The following ABCC9 variants were observed in gnomAD, a reference collection of about 807,000 sequenced individuals.
ABCC9 encodes ATP binding cassette subfamily C member 9.
ABCC9 carries 95 observed loss-of-function variants against 188.3 expected under a neutral mutation model. That is an observed-to-expected ratio of 0.50 (90% confidence interval 0.43 to 0.60). ABCC9 has a LOEUF of 0.60. Among genes scored for constraint, ABCC9 ranks in the 20% least tolerant of loss-of-function variants. The probability of loss-of-function intolerance (pLI) is 0.00; values close to 1 mark genes in which losing one functional copy is unlikely to be tolerated. For synonymous variants in ABCC9, 659 were observed against 652.7 expected (o/e 1.01, Z -0.15); for missense variants, 1,102 against 1,876.3 (o/e 0.59, Z 7.62).
chr12:21,931,504 G>C (rs1341392527), intron 4 of ABCC9, among the ~76,000 whole-genome samples: 1 of 151,946 alleles, frequency 6.6e-6, no homozygotes, highest in African/African-American at 2.4e-5. Context: ...ACAGAATCAA[G>C]GCTGTATTTT....
chr12:21,850,786 C>A (rs1488688785), intron 24 of ABCC9, among the ~76,000 whole-genome samples: 1 of 151,944 alleles, frequency 6.6e-6, no homozygotes, highest in Non-Finnish European at 1.5e-5. Flanking sequence ...TGGAGTTATC[C>A]CCGGTACGTT....
chr12:21,845,463 C>T (rs1944608535), intron 26 of ABCC9, 140 bp downstream of exon 26: 5 of 669,120 alleles, frequency 7.5e-6, no homozygotes, highest in Middle Eastern at 2.8e-4. Context: ...ATTTCAGGTC[C>T]TGTTGTAATT....
At chr12:21,894,214 AG>A (rs1798890779) in intron 13 of ABCC9, 40 bp from the exon 14 acceptor site, 1 of 1,610,532 alleles carries the variant, frequency 6.2e-7, no homozygotes. Context: ...AGCTGGAAAA[AG>A]TGTCACACAT....
At chr12:21,856,927 A>C (rs1267948901) in intron 22 of ABCC9, among the ~76,000 whole-genome samples, 1 of 152,232 alleles carries the variant, frequency 6.6e-6, no homozygotes, top group Non-Finnish European at 1.5e-5. Context: ...TTCACTAGAC[A>C]TCAGTCCTTG....
rs771226136 is a variant in ABCC9, at chr12:21,807,442, A to G, written c.4353T>C (p.Val1451=). ...VVTEGGENFS[V]GQRQLFCLAR... ...CAAGGCAAAATAGCTGTCTCTGTCCAACGCTAAAATTCTCCCCACCTTCAG... is the reference window on the plus strand; with the variant it reads ...CAAGGCAAAATAGCTGTCTCTGTCCGACGCTAAAATTCTCCCCACCTTCAG... The change falls in exon 38 of 40, where the codon GTT becomes GTC. Residue 1451 remains valine, a synonymous_variant. Coordinates refer to ENST00000261200, the MANE Select transcript of ABCC9 (RefSeq NM_020297.4). 14 of 1,613,880 alleles carry G rather than the reference A, an allele frequency of 8.7e-6. 1 individual carries two copies. In the Admixed American group the frequency reaches 2.3e-4, roughly 27 times the overall value.
intron 30 of ABCC9, among the ~76,000 whole-genome samples, chr12:21,835,965 T>C (rs548434326): frequency 6.6e-6 from 1 of 152,290 alleles, no homozygotes; most frequent in Non-Finnish European, 1.5e-5. Context: ...TACCTACTCA[T>C]GGAATCAGAA....
intron 14 of ABCC9, among the ~76,000 whole-genome samples, chr12:21,892,217 C>G (rs944966424): frequency 1.3e-5 from 2 of 152,082 alleles, no homozygotes; most frequent in South Asian, 2.1e-4. Flanking sequence ...GATTTATTAC[C>G]ACGGAATTGT....
chr12:21,852,796 GA>G (rs1485203402), intron 22 of ABCC9, among the ~76,000 whole-genome samples: 1 of 151,830 alleles, frequency 6.6e-6, no homozygotes, highest in Non-Finnish European at 1.5e-5. Context: ...AGGGCCAGGA[GA>G]AAAACAAACA....
intron 5 of ABCC9, chr12:21,925,315 C>A: frequency 3.9e-6 from 2 of 506,714 alleles, no homozygotes; most frequent in Non-Finnish European, 7.0e-6. Flanking sequence ...TTTAGAGAGC[C>A]TCTGATTTCC....
intron 24 of ABCC9, among the ~76,000 whole-genome samples, chr12:21,850,363 G>T (rs1468668294): frequency 6.6e-6 from 1 of 152,032 alleles, no homozygotes; most frequent in East Asian, 1.9e-4. Context: ...GGCTGCAGAT[G>T]AATTCAGGTG....
At chr12:21,832,950 G>A (rs924659932) in intron 30 of ABCC9, among the ~76,000 whole-genome samples, 9 of 152,160 alleles carry the variant, frequency 5.9e-5, no homozygotes. Flanking sequence ...CCATAACAAG[G>A]AACGAAATAA....
intron 18 of ABCC9, among the ~76,000 whole-genome samples, chr12:21,872,345 T>G (rs112501533): frequency 6.4e-4 from 98 of 152,358 alleles, no homozygotes; most frequent in African/African-American, 2.3e-3. Context: ...TCTTGAAGTG[T>G]TACCCATTTA....
At chr12:21,845,056 T>G in intron 26 of ABCC9, 141 bp from the exon 27 acceptor site, 9 of 1,044,118 alleles carry the variant, frequency 8.6e-6, no homozygotes, top group Non-Finnish European at 1.3e-5. Flanking sequence ...AATGCAATTT[T>G]TTGAGGCCCA....
intron 22 of ABCC9, among the ~76,000 whole-genome samples, chr12:21,856,473 A>G (rs976557302): frequency 3.3e-5 from 5 of 150,934 alleles, no homozygotes; most frequent in African/African-American, 1.2e-4. Context: ...ATTCATTGAT[A>G]CAGCACATTT....
Position 21,806,021 on chromosome 12 carries a change from C to T in ABCC9, c.4489G>A (p.Asp1497Asn). 1 of 1,613,690 alleles carries T rather than the reference C, an allele frequency of 6.2e-7. No individual in the cohort carries two copies. Among genetic ancestry groups the T allele is most frequent in the South Asian group, 1.1e-5 (1 of 91,062 alleles). Residue 1497 changes from aspartate to asparagine, a missense_variant, in exon 39 of 40, where the codon GAC becomes AAC. By Grantham distance (23) the Asp-to-Asn change is conservative. Coordinates refer to ENST00000261200, the MANE Select transcript of ABCC9 (RefSeq NM_020297.4). ...LQKVVMTAFADRTVVTIAHRV... is the reference protein window; with the variant it reads ...LQKVVMTAFANRTVVTIAHRV... The stretch of plus-strand genomic sequence containing the variant: ...ACAGCTATTGTCACCACGGTCCGGT[C>T]TGCAAAGGCTGTCATTACTACTTTT...
At chr12:21,826,446 A>G (rs1943383764) in intron 31 of ABCC9, among the ~76,000 whole-genome samples, 1 of 152,228 alleles carries the variant, frequency 6.6e-6, no homozygotes, top group Non-Finnish European at 1.5e-5. Context: ...GAAACACAGT[A>G]GTAATGAGGT....
chr12:21,852,647 C>T (rs1208458595), intron 22 of ABCC9, 142 bp from the exon 23 acceptor site: 1 of 1,005,416 alleles, frequency 9.9e-7, no homozygotes, highest in Non-Finnish European at 1.5e-6. Context: ...TAAAGAAAAA[C>T]TACCTGTCAG....
chr12:21,799,884 A>G lies in ABCC9; in HGVS notation c.*1160T>C, dbSNP rs1490296359. On this transcript the variant is annotated 3_prime_UTR_variant, in exon 40 of 40. Coordinates refer to ENST00000261200, the MANE Select transcript of ABCC9 (RefSeq NM_020297.4). ...ATTTATTAATTTTCATTTAAGCAAA[A>G]CCTAACACTAATATCCCATCAATTT... is the stretch of plus-strand genomic sequence containing the variant. The G allele has an allele frequency of 6.6e-6, 1 of 152,172 alleles. No individual in the cohort carries two copies. The highest frequency in any genetic ancestry group is 1.5e-5 in the Non-Finnish European group (1 of 68,034). 9.4% of individuals were successfully genotyped at this position (152,172 alleles called of 1,614,324 possible).
chr12:21,800,700 AC>A lies in ABCC9; in HGVS notation c.*343del. The A allele has an allele frequency of 3.1e-6, 1 of 318,390 alleles. No individual in the cohort carries two copies. The highest frequency in any genetic ancestry group is 6.0e-6 in the Non-Finnish European group (1 of 167,374). The allele number at this position is 318,390 out of a possible 1,614,324, so 19.7% of individuals were successfully genotyped here. A position where few individuals can be genotyped will look rare whatever the true frequency, so the allele number is the denominator to read the frequency against. Reference sequence around the variant, plus strand: ...TACAAACAAGAGTATAGTAATACTGACTACTCATTGACACTTCCATTCCTGA... The same window carrying A: ...TACAAACAAGAGTATAGTAATACTGATACTCATTGACACTTCCATTCCTGA... On this transcript the variant is annotated 3_prime_UTR_variant, in exon 40 of 40. Transcript: ENST00000261200.
Sources: gnomAD v4.1 joint callset for allele counts (sites outside exome capture counted in the v4.1 genomes callset) on GRCh38, gnomAD v4.1.1 for gene constraint, MANE v1.5 for transcripts, NCBI Gene and HGNC (gene_info 2026-07-23, HGNC 2026-07-21) for gene names.